LEMD3: variants seen among roughly 807,000 people sequenced by gnomAD.
LEMD3 encodes the protein inner nuclear membrane protein Man1.
A neutral mutation model predicts 95.2 loss-of-function variants in LEMD3; 33 were observed. The ratio of observed to expected loss-of-function variants is 0.35; its 90% confidence interval spans 0.26 to 0.46. The LOEUF (loss-of-function observed/expected upper bound fraction) is 0.46. LEMD3 is among the 20% of genes least tolerant of loss of function. LEMD3 has a pLI of 1.00. For missense variants in LEMD3, 1,210 were observed against 1,192.8 expected (o/e 1.01, Z -0.21); for synonymous variants, 525 against 474.6 (o/e 1.11, Z -1.38).
intron 3 of LEMD3, 85 bp downstream of exon 3, chr12:65,216,128 C>A: frequency 2.3e-6 from 2 of 873,636 alleles, no homozygotes; most frequent in East Asian, 2.5e-5. Context: ...TTTTCCAAGT[C>A]CAGTGTTATA....
At chr12:65,233,306 A>T (rs1349789891) in intron 4 of LEMD3, among the ~76,000 whole-genome samples, 6 of 152,162 alleles carry the variant, frequency 3.9e-5, no homozygotes, top group African/African-American at 1.4e-4. Flanking sequence ...GACTGGTGCT[A>T]TTAAGGGTTA....
intron 1 of LEMD3, among the ~76,000 whole-genome samples, chr12:65,184,512 C>G (rs1335372500): frequency 6.6e-6 from 1 of 152,142 alleles, no homozygotes; most frequent in Non-Finnish European, 1.5e-5. Flanking sequence ...TTAGTGTTTT[C>G]TCTTATACTT....
chr12:65,245,056 T>C (rs1325775466), intron 10 of LEMD3, among the ~76,000 whole-genome samples: 1 of 152,100 alleles, frequency 6.6e-6, no homozygotes, highest in African/African-American at 2.4e-5. Context: ...ACACAGGATT[T>C]TTAAACATAG....
rs769647254 is a variant in LEMD3, at chr12:65,169,656, G to C, written c.60G>C (p.Gln20His). 1.3e-6 allele frequency: 2 copies of C among 1,585,088 alleles called. No individual in the cohort carries two copies. Among genetic ancestry groups the C allele is most frequent in the Middle Eastern group, 2.0e-4 (1 of 4,980 alleles). ...QQLSDEELFSQLRRYGLSPGP... is the reference protein window; with the variant it reads ...QQLSDEELFSHLRRYGLSPGP... ...TCTCGGATGAGGAGCTTTTCTCTCA[G>C]CTCCGCCGTTACGGCCTGTCTCCCG... Residue 20 changes from glutamine (Q) to histidine (H), a missense_variant, in exon 1 of 13, where the codon CAG becomes CAC. Gln to His is a conservative substitution (Grantham distance 24, BLOSUM62 0). Coordinates refer to ENST00000308330, the MANE Select transcript of LEMD3 (RefSeq NM_014319.5).
intron 2 of LEMD3, among the ~76,000 whole-genome samples, chr12:65,211,435 AT>A (rs1869935519): frequency 1.3e-5 from 2 of 152,168 alleles, no homozygotes; most frequent in Non-Finnish European, 2.9e-5. Context: ...CCTTCAGGCT[AT>A]TTCTTTAATT....
chr12:65,199,322 G>T (rs1029815331), intron 1 of LEMD3, among the ~76,000 whole-genome samples: 2 of 151,986 alleles, frequency 1.3e-5, no homozygotes, highest in African/African-American at 4.8e-5. Context: ...ATTTGCTAAT[G>T]ATCTAACTTT....
chr12:65,171,354 T>A (rs1417675190), intron 1 of LEMD3: 2 of 571,900 alleles, frequency 3.5e-6, no homozygotes, highest in Non-Finnish European at 3.0e-6. Context: ...AAACAATTTT[T>A]AAAAGAATAT....
Position 65,245,951 on chromosome 12 carries a change from G to T in LEMD3, c.2572+12G>T. The T allele has an allele frequency of 1.9e-6, 3 of 1,578,782 alleles. No homozygotes were observed. Among genetic ancestry groups the T allele is most frequent in the South Asian group, 2.2e-5 (2 of 90,206 alleles). On this transcript the variant is annotated intron_variant, in intron 12 of 12. Coordinates refer to ENST00000308330, the MANE Select transcript of LEMD3 (RefSeq NM_014319.5). ...CTCTTGGTTTGATGGTAAGAAATTT[G>T]AGTACTACAAACATTTTGAAAAGAT...
intron 3 of LEMD3, among the ~76,000 whole-genome samples, chr12:65,217,044 C>T (rs1007786810): frequency 6.6e-6 from 1 of 152,206 alleles, no homozygotes; most frequent in Non-Finnish European, 1.5e-5. Context: ...CAAGCTTCTA[C>T]AGCTATCTCT....
At chr12:65,185,577 T>C (rs1016721861) in intron 1 of LEMD3, among the ~76,000 whole-genome samples, 2 of 152,012 alleles carry the variant, frequency 1.3e-5, no homozygotes, top group Non-Finnish European at 2.9e-5. Context: ...TCAAAAGTAC[T>C]GTTATGGGGA....
chr12:65,218,494 GTTTTC>G (rs1870177252), intron 3 of LEMD3, 53 bp from the exon 4 acceptor site: 1 of 999,094 alleles, frequency 1.0e-6, no homozygotes, highest in Non-Finnish European at 1.5e-6. Flanking sequence ...AATTATGTTT[GTTTTC>G]TTCTGTTTAA....
chr12:65,193,020 T>G (rs927022430), intron 1 of LEMD3, among the ~76,000 whole-genome samples: 5 of 152,186 alleles, frequency 3.3e-5, no homozygotes, highest in Non-Finnish European at 5.9e-5. Flanking sequence ...TTTTTTTTGT[T>G]TGTTTGTTTT....
intron 1 of LEMD3, among the ~76,000 whole-genome samples, chr12:65,176,611 A>G (rs998684411): frequency 6.6e-6 from 1 of 152,194 alleles, no homozygotes; most frequent in East Asian, 1.9e-4. Context: ...TAATATTTCT[A>G]TAGGAGTAGA....
At position 65,205,229 on chromosome 12, in the gene LEMD3, A is replaced by G. The variant is rs1298178916; in HGVS notation, c.1523-5697A>G. 2.0e-5 allele frequency among the ~76,000 whole-genome samples: 3 copies of G among 152,202 alleles called. No individual in the cohort carries two copies. The East Asian group carries it at 5.8e-4, about 29-fold the overall frequency. The stretch of plus-strand genomic sequence containing the variant: ...TCACCTCCCACCAGGTCCCTCCCTC[A>G]ACACATGGGGATTACAATTTGAGAT... On this transcript the variant is annotated intron_variant, in intron 1 of 12. Transcript: ENST00000308330.
At chr12:65,242,238 A>C (rs183092081) in intron 9 of LEMD3, among the ~76,000 whole-genome samples, 34 of 152,062 alleles carry the variant, frequency 2.2e-4, no homozygotes, top group African/African-American at 7.5e-4. Flanking sequence ...CTCCTACCTC[A>C]GACTTTTTCT....
chr12:65,221,431 C>T (rs998596126), intron 4 of LEMD3, among the ~76,000 whole-genome samples: 5 of 151,704 alleles, frequency 3.3e-5, no homozygotes, highest in Admixed American at 6.6e-5. Context: ...CTATGTTGCC[C>T]AGGCTGGTCT....
At chr12:65,204,955 A>G (rs1869718520) in intron 1 of LEMD3, among the ~76,000 whole-genome samples, 1 of 152,168 alleles carries the variant, frequency 6.6e-6, no homozygotes, top group Non-Finnish European at 1.5e-5. Context: ...TGCTATAAAG[A>G]AATACCCAAG....
rs1265523418 is a variant in LEMD3, at chr12:65,239,973, T to A, written c.1966T>A (p.Trp656Arg). ...CVVLRYMKYR[W>R]TKEEEETRQM... ...CGTTCTGCGTTACATGAAATATCGA[T>A]GGACAAAAGAAGAGGAGGAAACAAG... is the stretch of plus-strand genomic sequence containing the variant. Residue 656 changes from tryptophan (W) to arginine (R), a missense_variant, in exon 7 of 13, where the codon TGG (tryptophan) becomes AGG (arginine). By Grantham distance (101) the Trp-to-Arg change is moderately radical (BLOSUM62 -3). This residue lies in a region of LEMD3 where 461 missense variants were observed against 569.8 expected (regional missense o/e 0.81). Coordinates refer to ENST00000308330, the MANE Select transcript of LEMD3 (RefSeq NM_014319.5). The A allele has an allele frequency of 6.2e-7, 1 of 1,612,470 alleles. No homozygotes were observed. Among genetic ancestry groups the A allele is most frequent in the Non-Finnish European group, 8.5e-7 (1 of 1,178,672 alleles).
chr12:65,202,352 A>G (rs545665585), intron 1 of LEMD3, among the ~76,000 whole-genome samples: 104 of 151,904 alleles, frequency 6.8e-4, no homozygotes, highest in Non-Finnish European at 1.3e-3. Context: ...CTTTTTCTGC[A>G]TTTGTTGATA....
Sources: gnomAD v4.1 joint callset for allele counts (sites outside exome capture counted in the v4.1 genomes callset) on GRCh38, gnomAD v4.1.1 for gene constraint, gnomAD v4.1.1 regional missense constraint, MANE v1.5 for transcripts, NCBI Gene and HGNC (gene_info 2026-07-23, HGNC 2026-07-21) for gene names.